MYH11: variants seen among roughly 807,000 people sequenced by gnomAD.
The protein encoded by MYH11 is myosin-11.
Under a neutral mutation model 246.6 loss-of-function variants are expected in MYH11, and 80 were observed. That is an observed-to-expected ratio of 0.32 (90% CI 0.27 to 0.39). The LOEUF (loss-of-function observed/expected upper bound fraction) is 0.39. Among genes scored for constraint, MYH11 ranks in the 10% least tolerant of loss-of-function variants. MYH11 has a pLI of 1.00. For synonymous variants in MYH11, 1,071 were observed against 1,015.5 expected (o/e 1.05, Z -1.04); for missense variants, 2,158 against 2,546.8 (o/e 0.85, Z 3.29).
chr16:15,763,760 C>CCCCACAAA, intron 10 of MYH11, 36 bp downstream of exon 10: 1 of 1,192,088 alleles, frequency 8.4e-7, no homozygotes, highest in Non-Finnish European at 1.3e-6. Flanking sequence ...CCCCCAACCC[C>CCCCACAAA]AAAGTCATTG....
chr16:15,797,372 A>T (rs931817010), intron 4 of MYH11, among the ~76,000 whole-genome samples: 2 of 152,058 alleles, frequency 1.3e-5, no homozygotes, highest in Non-Finnish European at 2.9e-5. Flanking sequence ...CATTATGCAT[A>T]TGCTGGTTTG....
chr16:15,758,128 C>T, intron 12 of MYH11, 128 bp from the exon 13 acceptor site: 1 of 1,401,118 alleles, frequency 7.1e-7, no homozygotes, highest in Non-Finnish European at 1.0e-6. Flanking sequence ...CATCCCAGCA[C>T]CCAGACAGGG....
At chr16:15,765,422 C>G (rs932233) in intron 9 of MYH11, among the ~76,000 whole-genome samples, 114,777 of 151,746 alleles carry the variant, frequency 0.76, 43,851 homozygotes, top group East Asian at 0.98. Context: ...GGAATGGATA[C>G]AGCATTGATG....
At chr16:15,721,127 C>A in intron 32 of MYH11, 76 bp from the exon 33 acceptor site, 2 of 1,516,156 alleles carry the variant, frequency 1.3e-6, no homozygotes, top group Non-Finnish European at 1.8e-6. Flanking sequence ...CCGTGAGCGG[C>A]ACCTCAGGAG....
rs370786181 is a variant in MYH11 at position 15,718,444 on chromosome 16, G to A, written c.5172-6C>T. On this transcript the variant is annotated splice_region_variant and splice_polypyrimidine_tract_variant and intron_variant, in intron 36 of 40. Coordinates refer to ENST00000300036, the MANE Select transcript of MYH11 (RefSeq NM_002474.3). ...TCTCGTCCTGGAGTGCGTTCCTGGG[G>A]GAAGGGCGGCCATGGTGGGGGCCTC... The A allele has an allele frequency of 3.0e-5, 46 of 1,555,008 alleles. No homozygotes were observed. The highest frequency in any genetic ancestry group is 2.8e-5 in the Non-Finnish European group (32 of 1,153,094).
At chr16:15,766,815 A>G (rs1397227554) in intron 9 of MYH11, among the ~76,000 whole-genome samples, 4 of 152,236 alleles carry the variant, frequency 2.6e-5, no homozygotes, top group Non-Finnish European at 5.9e-5. Context: ...CACCACTCCC[A>G]GGCCATAAGA....
chr16:15,794,314 C>T (rs1396325267), intron 4 of MYH11, among the ~76,000 whole-genome samples: 1 of 152,236 alleles, frequency 6.6e-6, no homozygotes, highest in Non-Finnish European at 1.5e-5. Context: ...GCACCAACTA[C>T]GCGTAAAAGC....
intron 34 of MYH11, 112 bp downstream of exon 34, chr16:15,720,039 C>T: frequency 9.1e-6 from 13 of 1,433,844 alleles, no homozygotes; most frequent in East Asian, 2.3e-5. Context: ...GCTGAACCCA[C>T]ACCAATGGCA....
At chr16:15,730,877 C>A (rs1305411410) in intron 27 of MYH11, among the ~76,000 whole-genome samples, 1 of 152,216 alleles carries the variant, frequency 6.6e-6, no homozygotes, top group Admixed American at 6.5e-5. Flanking sequence ...GCTCCCACTC[C>A]CATACACCGC....
chr16:15,786,953 C>T (rs1261534630), intron 4 of MYH11, among the ~76,000 whole-genome samples: 1 of 152,142 alleles, frequency 6.6e-6, no homozygotes, highest in Non-Finnish European at 1.5e-5. Flanking sequence ...TCCAAGAGGA[C>T]ATAGAAAAGA....
At chr16:15,837,835 C>G in intron 2 of MYH11, 73 bp downstream of exon 2, 3 of 1,410,364 alleles carry the variant, frequency 2.1e-6, no homozygotes, top group Non-Finnish European at 3.0e-6. Flanking sequence ...GTGCCCAGCC[C>G]TCCCAACACA....
chr16:15,718,834 A>G (rs2040312650), intron 36 of MYH11: 1 of 403,156 alleles, frequency 2.5e-6, no homozygotes, highest in Non-Finnish European at 4.6e-6. Flanking sequence ...CAGCATTGAA[A>G]TGGGGGTCCA....
At chr16:15,848,358 C>A (rs1013343483) in intron 1 of MYH11, among the ~76,000 whole-genome samples, 1 of 151,566 alleles carries the variant, frequency 6.6e-6, no homozygotes, top group African/African-American at 2.4e-5. Flanking sequence ...CTCAGCCTCC[C>A]AAGTAGCTGG....
At chr16:15,722,522 G>T (rs1159754486) in intron 31 of MYH11, among the ~76,000 whole-genome samples, 2 of 152,194 alleles carry the variant, frequency 1.3e-5, no homozygotes, top group Non-Finnish European at 2.9e-5. Context: ...CACACTATGT[G>T]TGCCACTGCA....
chr16:15,719,150 G>A lies in MYH11; in HGVS notation c.5171+70C>T, dbSNP rs72772021. 23,372 of 1,453,892 alleles carry A rather than the reference G, an allele frequency of 0.016. 276 individuals are homozygous for A. Among genetic ancestry groups the A allele is most frequent in the Middle Eastern group, 0.052 (299 of 5,788 alleles). 90.1% of individuals were successfully genotyped at this position (1,453,892 alleles called of 1,614,324 possible). A position where few individuals can be genotyped will look rare whatever the true frequency, so the allele number is the denominator to read the frequency against. ...CTCGAAAAAATTTAAAAAATAAAAT[G>A]GGGGTCGAGGATGCTGCCTGTCCCC... On this transcript the variant is annotated intron_variant, in intron 36 of 40. Transcript: ENST00000300036.
chr16:15,839,828 A>G (rs916167235), intron 1 of MYH11, among the ~76,000 whole-genome samples: 1 of 151,836 alleles, frequency 6.6e-6, no homozygotes, highest in Non-Finnish European at 1.5e-5. Context: ...GGCAGGGGGG[A>G]TCACTTGAGG....
At chr16:15,851,624 C>T (rs2044331540) in intron 1 of MYH11, among the ~76,000 whole-genome samples, 2 of 152,080 alleles carry the variant, frequency 1.3e-5, no homozygotes, top group South Asian at 4.1e-4. Flanking sequence ...CATTCACATC[C>T]CCCCACCTCC....
chr16:15,771,844 C>T (rs888962864), intron 8 of MYH11, 132 bp from the exon 9 acceptor site: 4 of 1,181,548 alleles, frequency 3.4e-6, no homozygotes, highest in Admixed American at 4.0e-5. Context: ...GTTTAAAGCC[C>T]TCACGCATCG....
intron 3 of MYH11, among the ~76,000 whole-genome samples, chr16:15,805,828 A>G (rs376260241): frequency 6.6e-6 from 1 of 152,196 alleles, no homozygotes; most frequent in East Asian, 1.9e-4. Context: ...AGGTGGGACA[A>G]TGGCTTGAGC....
Sources: gnomAD v4.1 joint callset for allele counts (sites outside exome capture counted in the v4.1 genomes callset) on GRCh38, gnomAD v4.1.1 for gene constraint, MANE v1.5 for transcripts, NCBI Gene and HGNC (gene_info 2026-07-23, HGNC 2026-07-21) for gene names.